Variants in RBFOX1 observed in about 807,000 individuals in gnomAD.
The protein encoded by RBFOX1 is RNA binding protein fox-1 homolog 1.
In RBFOX1, 8 loss-of-function variants were observed where a neutral mutation model predicts 57.7. The ratio of observed to expected loss-of-function variants is 0.14; its 90% CI spans 0.08 to 0.25. The LOEUF (loss-of-function observed/expected upper bound fraction) is 0.25, where lower values mean the gene tolerates loss of function less well. Ranked by LOEUF, RBFOX1 falls within the 10% of genes least tolerant of loss-of-function variation. The pLI is 1.00. For synonymous variants in RBFOX1, 326 were observed against 222.4 expected, an observed-to-expected ratio of 1.47 and a Z score of -4.15; for missense variants, 611 against 548.5, an observed-to-expected ratio of 1.11 and a Z score of -1.14.
chr16:6,009,802 A>ATGTGTGTGTGTG (rs753032432), intron 4 of RBFOX1, among the ~76,000 whole-genome samples: 2 of 58,562 alleles, frequency 3.4e-5, no homozygotes, highest in African/African-American at 1.8e-4. Flanking sequence ...CAGTGTGTGT[A>ATGTGTGTGTGTG]TGTGTGTGTG....
chr16:7,479,403 T>G (rs116349708), intron 4 of RBFOX1, among the ~76,000 whole-genome samples: 1,597 of 152,230 alleles, frequency 0.01, 20 homozygotes, highest in African/African-American at 0.037. Context: ...GTGCTGGGAT[T>G]ACAGGTATGA....
At chr16:6,994,147 G>A (rs767814228) in intron 3 of RBFOX1, among the ~76,000 whole-genome samples, 21 of 152,080 alleles carry the variant, frequency 1.4e-4, no homozygotes, top group Non-Finnish European at 2.8e-4. Flanking sequence ...TGCGCTTGGG[G>A]TATTGGCGGG....
At chr16:6,723,659 A>G (rs1266218739) in intron 3 of RBFOX1, 1 of 152,162 alleles carries the variant, frequency 6.6e-6, no homozygotes, top group Non-Finnish European at 1.5e-5. Flanking sequence ...ATATATTAGT[A>G]TTTTTGAGGA....
At chr16:7,310,921 T>A (rs2142574020) in intron 4 of RBFOX1, among the ~76,000 whole-genome samples, 1 of 152,314 alleles carries the variant, frequency 6.6e-6, no homozygotes, top group East Asian at 1.9e-4. Flanking sequence ...TTTGCCATCT[T>A]GTGAACCATG....
chr16:7,208,768 T>A (rs2090507345), intron 4 of RBFOX1, among the ~76,000 whole-genome samples: 1 of 152,140 alleles, frequency 6.6e-6, no homozygotes, highest in Non-Finnish European at 1.5e-5. Context: ...GTCCAGGTAT[T>A]TGAGGCTACA....
intron 2 of RBFOX1, among the ~76,000 whole-genome samples, chr16:6,562,207 A>G (rs552503603): frequency 6.6e-6 from 1 of 152,332 alleles, no homozygotes; most frequent in South Asian, 2.1e-4. Flanking sequence ...CTTGGGTGCC[A>G]GCCCTCTGAA....
chr16:6,884,658 G>A (rs2063614561), intron 3 of RBFOX1, among the ~76,000 whole-genome samples: 1 of 152,144 alleles, frequency 6.6e-6, no homozygotes, highest in South Asian at 2.1e-4. Flanking sequence ...CAGCACTAGG[G>A]GAGGCTGAGG....
chr16:7,358,040 C>T (rs186402395), intron 4 of RBFOX1, among the ~76,000 whole-genome samples: 55 of 152,304 alleles, frequency 3.6e-4, no homozygotes, highest in South Asian at 2.1e-4. Flanking sequence ...GACCTGAGCT[C>T]GAACCAGCCT....
At chr16:7,247,211 G>A (rs1157258622) in intron 4 of RBFOX1, among the ~76,000 whole-genome samples, 2 of 152,138 alleles carry the variant, frequency 1.3e-5, no homozygotes, top group Non-Finnish European at 2.9e-5. Context: ...TGTTCTCTTG[G>A]TGAAGGAGAA....
chr16:5,443,677 C>T (rs978070393), intron 1 of RBFOX1, among the ~76,000 whole-genome samples: 2 of 152,150 alleles, frequency 1.3e-5, no homozygotes, highest in African/African-American at 4.8e-5. Flanking sequence ...TTATGCCTCC[C>T]CCATATAATA....
intron 3 of RBFOX1, among the ~76,000 whole-genome samples, chr16:6,763,363 C>T (rs1206041657): frequency 6.6e-6 from 1 of 152,176 alleles, no homozygotes; most frequent in Non-Finnish European, 1.5e-5. Context: ...GATTACTTTC[C>T]TGTTGGAGAG....
At position 6,141,260 on chromosome 16, in the gene RBFOX1, T is replaced by C. The variant is rs188704501; in HGVS notation, c.-127+121268T>C. Among the ~76,000 whole-genome samples, 8 of 152,320 alleles carry C rather than the reference T, an allele frequency of 5.3e-5. No individual in the cohort carries two copies. In the East Asian group the frequency reaches 1.5e-3, roughly 29 times the overall value. Reference sequence around the variant, plus strand: ...AGTGCCCTCCATATGTAAACCCTTCTAATCCTCCCTAACACTTTATGAGAT... The same window carrying C: ...AGTGCCCTCCATATGTAAACCCTTCCAATCCTCCCTAACACTTTATGAGAT... On this transcript the variant is annotated intron_variant, in intron 1 of 15. Transcript: ENST00000550418.
chr16:6,851,315 C>T (rs982092060), intron 3 of RBFOX1, among the ~76,000 whole-genome samples: 3 of 151,996 alleles, frequency 2.0e-5, no homozygotes, highest in Admixed American at 6.6e-5. Context: ...TCATAGAAGG[C>T]GTCTTTTTGT....
chr16:5,441,263 A>G (rs1487456131), intron 1 of RBFOX1, among the ~76,000 whole-genome samples: 2 of 152,058 alleles, frequency 1.3e-5, no homozygotes, highest in Non-Finnish European at 2.9e-5. Flanking sequence ...GTTTTCTACA[A>G]TGGGCCTGGC....
chr16:5,911,784 G>A (rs902505835), intron 4 of RBFOX1, among the ~76,000 whole-genome samples: 1 of 152,102 alleles, frequency 6.6e-6, no homozygotes, highest in African/African-American at 2.4e-5. Context: ...TCTGCATATG[G>A]TGGGAGGGGA....
chr16:6,798,614 T>G (rs1603626073), intron 3 of RBFOX1, among the ~76,000 whole-genome samples: 1 of 152,238 alleles, frequency 6.6e-6, no homozygotes, highest in East Asian at 1.9e-4. Flanking sequence ...CTGTGCTTTG[T>G]TGACTAGTGC....
At chr16:5,451,472 G>A (rs1597117963) in intron 1 of RBFOX1, among the ~76,000 whole-genome samples, 1 of 152,170 alleles carries the variant, frequency 6.6e-6, no homozygotes, top group African/African-American at 2.4e-5. Context: ...CCCTGCCTTT[G>A]AATGATTTGA....
intron 2 of RBFOX1, among the ~76,000 whole-genome samples, chr16:5,592,739 T>G (rs2151186785): frequency 6.6e-6 from 1 of 152,354 alleles, no homozygotes; most frequent in Non-Finnish European, 1.5e-5. Context: ...TGGAAATGTG[T>G]GTGGTCTGTG....
At chr16:6,979,607 C>T (rs1039766732) in intron 3 of RBFOX1, among the ~76,000 whole-genome samples, 2 of 152,162 alleles carry the variant, frequency 1.3e-5, no homozygotes, top group African/African-American at 4.8e-5. Context: ...GTGACTCTTT[C>T]ATTCACAGTT....
Sources: gnomAD v4.1 joint callset for allele counts (sites outside exome capture counted in the v4.1 genomes callset) on GRCh38, gnomAD v4.1.1 for gene constraint, MANE v1.5 for transcripts, NCBI Gene and HGNC (gene_info 2026-07-23, HGNC 2026-07-21) for gene names.